FBXL7: variants seen among roughly 807,000 people sequenced by gnomAD.
FBXL7 encodes the protein F-box and leucine rich repeat protein 7.
Under a neutral mutation model 38.3 loss-of-function variants are expected in FBXL7, and 12 were observed. The observed-to-expected ratio is 0.31, with a 90% CI of 0.20 to 0.51. The LOEUF is 0.51. Ranked by LOEUF, FBXL7 falls within the 20% of genes least tolerant of loss-of-function variation. FBXL7 has a pLI of 0.98. For missense variants in FBXL7, 567 were observed against 676.4 expected (o/e 0.84, Z 1.79); for synonymous variants, 297 against 300.9 (o/e 0.99, Z 0.13).
chr5:15,693,175 G>T (rs1288564666), intron 2 of FBXL7, among the ~76,000 whole-genome samples: 1 of 152,102 alleles, frequency 6.6e-6, no homozygotes, highest in Non-Finnish European at 1.5e-5. Context: ...TCTTACTTTG[G>T]CAAGTGACTT....
rs187203817 is a variant in FBXL7, at chr5:15,936,011, C to G, written c.740-439C>G. Among the ~76,000 whole-genome samples, 90 of 152,284 alleles carry G rather than the reference C, an allele frequency of 5.9e-4. No homozygotes were observed. The Middle Eastern group carries it at 0.01, about 17-fold the overall frequency. On this transcript the variant is annotated intron_variant, in intron 3 of 3. Coordinates refer to ENST00000504595, the MANE Select transcript of FBXL7 (RefSeq NM_012304.5). The surrounding 1 kb of genome is among the most constrained non-coding windows in gnomAD (Gnocchi z 6.0). Reference sequence around the variant, plus strand: ...CCAGGGAGCTTCCAAACCAGGGCAGCTCAAGAACTCACTTTTACTGAGCTC... The same window carrying G: ...CCAGGGAGCTTCCAAACCAGGGCAGGTCAAGAACTCACTTTTACTGAGCTC...
chr5:15,555,568 A>T (rs1012073384), intron 1 of FBXL7, among the ~76,000 whole-genome samples: 6 of 152,194 alleles, frequency 3.9e-5, no homozygotes, highest in Middle Eastern at 3.4e-3. Context: ...TGCCCCTTAG[A>T]CACAGTTGCT....
Position 15,761,722 on chromosome 5 carries a change from T to C in FBXL7, c.127+145650T>C, listed in dbSNP as rs1736452046. On this transcript the variant is annotated intron_variant, in intron 2 of 3. Coordinates refer to ENST00000504595, the MANE Select transcript of FBXL7 (RefSeq NM_012304.5). Reference sequence around the variant, plus strand: ...CCACACCCAGCTAAGTTTTTGTATTTTTAGTAGAGATGGGATTTTGCTATT... The same window carrying C: ...CCACACCCAGCTAAGTTTTTGTATTCTTAGTAGAGATGGGATTTTGCTATT... Among the ~76,000 whole-genome samples, 4 of 152,090 alleles carry C rather than the reference T, an allele frequency of 2.6e-5. No individual in the cohort carries two copies. In the South Asian group the frequency reaches 8.3e-4, roughly 31 times the overall value.
intron 1 of FBXL7, among the ~76,000 whole-genome samples, chr5:15,532,945 T>C (rs564457646): frequency 3.3e-5 from 5 of 152,288 alleles, no homozygotes; most frequent in African/African-American, 9.6e-5. Flanking sequence ...CTCCCACTTA[T>C]TTGATGTGGT....
intron 2 of FBXL7, among the ~76,000 whole-genome samples, chr5:15,638,587 C>T (rs1205435506): frequency 3.3e-5 from 5 of 151,292 alleles, no homozygotes; most frequent in Admixed American, 2.0e-4. Context: ...AGTGATGGAA[C>T]GGAGGACAAG....
chr5:15,861,307 C>G (rs905709525), intron 2 of FBXL7, among the ~76,000 whole-genome samples: 4 of 152,192 alleles, frequency 2.6e-5, no homozygotes, highest in Non-Finnish European at 4.4e-5. Context: ...TATCTGAAGT[C>G]TTTGAAAAGA....
intron 2 of FBXL7, among the ~76,000 whole-genome samples, chr5:15,745,696 A>G (rs969726703): frequency 6.6e-6 from 1 of 152,170 alleles, no homozygotes; most frequent in Non-Finnish European, 1.5e-5. Context: ...TAGGGTGTTT[A>G]CAAAACAAGA....
chr5:15,542,682 A>G (rs1737788386), intron 1 of FBXL7, among the ~76,000 whole-genome samples: 1 of 152,182 alleles, frequency 6.6e-6, no homozygotes, highest in African/African-American at 2.4e-5. Context: ...ATGTCAGTAG[A>G]CATGGAGTGG....
intron 2 of FBXL7, among the ~76,000 whole-genome samples, chr5:15,793,020 C>T (rs1036807298): frequency 9.2e-5 from 14 of 152,182 alleles, no homozygotes; most frequent in Admixed American, 1.3e-4. Flanking sequence ...GCCAGCCAAC[C>T]TTCAACCTTC....
intron 2 of FBXL7, among the ~76,000 whole-genome samples, chr5:15,759,832 T>G (rs951081179): frequency 1.3e-5 from 2 of 152,202 alleles, no homozygotes; most frequent in Admixed American, 6.6e-5. Flanking sequence ...TGCTGGTGTC[T>G]GGTCATAGGA....
intron 1 of FBXL7, among the ~76,000 whole-genome samples, chr5:15,566,883 A>C (rs1431641292): frequency 6.6e-6 from 1 of 152,126 alleles, no homozygotes; most frequent in East Asian, 1.9e-4. Flanking sequence ...TTGCATTTGT[A>C]CCTGTAGAAA....
chr5:15,596,509 T>A (rs1739629455), intron 1 of FBXL7, among the ~76,000 whole-genome samples: 1 of 152,144 alleles, frequency 6.6e-6, no homozygotes, highest in South Asian at 2.1e-4. Flanking sequence ...CAAAAATAAG[T>A]AAGAATTTGG....
At chr5:15,873,330 C>A (rs1740050561) in intron 2 of FBXL7, among the ~76,000 whole-genome samples, 2 of 152,020 alleles carry the variant, frequency 1.3e-5, no homozygotes, top group Non-Finnish European at 2.9e-5. Flanking sequence ...AAAATTGACA[C>A]CCTAACATCA....
At chr5:15,828,933 T>C (rs1364853190) in intron 2 of FBXL7, among the ~76,000 whole-genome samples, 3 of 152,208 alleles carry the variant, frequency 2.0e-5, no homozygotes, top group Non-Finnish European at 4.4e-5. Flanking sequence ...CATTTTTTGA[T>C]TTCTGAAAAG....
intron 2 of FBXL7, among the ~76,000 whole-genome samples, chr5:15,813,941 G>A (rs1269169671): frequency 6.6e-6 from 1 of 152,154 alleles, no homozygotes; most frequent in Non-Finnish European, 1.5e-5. Context: ...ATACTGGAGA[G>A]GATGTGGAGA....
chr5:15,938,450 T>A lies in FBXL7; in HGVS notation c.*1264T>A, dbSNP rs996026700. Reference sequence around the variant, plus strand: ...GTCATTCAGATTGCATTTGACCTCTTCTCATCTATTTATTTCTTTATACAT... The same window carrying A: ...GTCATTCAGATTGCATTTGACCTCTACTCATCTATTTATTTCTTTATACAT... On this transcript the variant is annotated 3_prime_UTR_variant, in exon 4 of 4. Coordinates refer to ENST00000504595, the MANE Select transcript of FBXL7 (RefSeq NM_012304.5). 6.6e-6 allele frequency: 1 copy of A among 152,176 alleles called. No individual in the cohort carries two copies. Among genetic ancestry groups the A allele is most frequent in the Admixed American group, 6.5e-5 (1 of 15,270 alleles). The allele number at this position is 152,176 out of a possible 1,614,324, so 9.4% of individuals were successfully genotyped here.
At chr5:15,730,706 G>A (rs1735558864) in intron 2 of FBXL7, among the ~76,000 whole-genome samples, 1 of 152,200 alleles carries the variant, frequency 6.6e-6, no homozygotes, top group African/African-American at 2.4e-5. Context: ...GTTCTATTTT[G>A]GAGAAGCTAT....
At chr5:15,786,755 C>A (rs895220328) in intron 2 of FBXL7, among the ~76,000 whole-genome samples, 10 of 152,148 alleles carry the variant, frequency 6.6e-5, no homozygotes, top group African/African-American at 2.2e-4. Context: ...AATGGACTTA[C>A]AGGTACGGGT....
intron 1 of FBXL7, among the ~76,000 whole-genome samples, chr5:15,574,374 C>T (rs1187411801): frequency 6.6e-6 from 1 of 152,104 alleles, no homozygotes; most frequent in African/African-American, 2.4e-5. Flanking sequence ...ACCTAATATT[C>T]AGTGTAAGAG....
Sources: gnomAD v4.1 joint callset for allele counts (sites outside exome capture counted in the v4.1 genomes callset) on GRCh38, gnomAD v4.1.1 for gene constraint, Gnocchi (gnomAD v3.1) non-coding constraint, MANE v1.5 for transcripts, NCBI Gene and HGNC (gene_info 2026-07-23, HGNC 2026-07-21) for gene names.